BICC1: variants seen among roughly 807,000 people sequenced by gnomAD.
The protein encoded by BICC1 is protein bicaudal C homolog 1.
Under a neutral mutation model 111.0 loss-of-function variants are expected in BICC1, and 43 were observed. The observed-to-expected ratio is 0.39, with a 90% confidence interval of 0.30 to 0.50. BICC1 has a LOEUF of 0.50. Ranked by LOEUF, BICC1 falls within the 20% of genes least tolerant of loss-of-function variation. The pLI is 0.88. For missense variants in BICC1, 1,091 were observed against 1,203.2 expected (o/e 0.91, Z 1.38); for synonymous variants, 467 against 434.4 (o/e 1.07, Z -0.93).
intron 3 of BICC1, among the ~76,000 whole-genome samples, chr10:58,727,356 G>T (rs1841138735): frequency 6.6e-6 from 1 of 152,120 alleles, no homozygotes; most frequent in African/African-American, 2.4e-5. Context: ...GGAGGCTGAG[G>T]TGGGCAGATC....
Position 58,531,796 on chromosome 10 carries a change from A to G in BICC1, c.190+18463A>G, listed in dbSNP as rs545246234. ...TACAGTAACTGATTTGAAAAAAAAA[A>G]TTATAGGGGATCAACAGCAGACTTT... On this transcript the variant is annotated intron_variant, in intron 1 of 20. Transcript: ENST00000373886. Among the ~76,000 whole-genome samples, 8 of 151,940 alleles carry G rather than the reference A, an allele frequency of 5.3e-5. No individual in the cohort carries two copies. In the South Asian group the frequency reaches 1.7e-3, roughly 31 times the overall value.
intron 1 of BICC1, among the ~76,000 whole-genome samples, chr10:58,581,918 G>T (rs1844292997): frequency 6.6e-6 from 1 of 151,816 alleles, no homozygotes; most frequent in Admixed American, 6.6e-5. Context: ...CCTCCCCCAT[G>T]TTACGATAAC....
At chr10:58,632,991 C>G (rs1837844759) in intron 2 of BICC1, among the ~76,000 whole-genome samples, 2 of 152,110 alleles carry the variant, frequency 1.3e-5, no homozygotes, top group African/African-American at 4.8e-5. Context: ...TGTTTCTATT[C>G]ATTATTGATA....
intron 3 of BICC1, among the ~76,000 whole-genome samples, chr10:58,728,856 T>A (rs2132548988): frequency 6.6e-6 from 1 of 152,252 alleles, no homozygotes; most frequent in East Asian, 1.9e-4. Context: ...CAATGAGCAG[T>A]AATATTTTGT....
chr10:58,738,894 T>C (rs1009309847), intron 3 of BICC1, among the ~76,000 whole-genome samples: 4 of 152,096 alleles, frequency 2.6e-5, no homozygotes, highest in African/African-American at 7.2e-5. Context: ...CTGTCTGTTA[T>C]TGGTGTATAA....
chr10:58,802,871 T>A (rs1843592080), intron 14 of BICC1, among the ~76,000 whole-genome samples: 1 of 152,170 alleles, frequency 6.6e-6, no homozygotes, highest in South Asian at 2.1e-4. Flanking sequence ...ACATTAGAGG[T>A]ATGACCTTGG....
chr10:58,552,787 G>A (rs1270066373), intron 1 of BICC1, among the ~76,000 whole-genome samples: 1 of 152,092 alleles, frequency 6.6e-6, no homozygotes, highest in Non-Finnish European at 1.5e-5. Flanking sequence ...CTAGATTGGT[G>A]GTGAGATATC....
At chr10:58,821,791 G>T (rs1053637468) in intron 20 of BICC1, among the ~76,000 whole-genome samples, 1 of 152,120 alleles carries the variant, frequency 6.6e-6, no homozygotes, top group South Asian at 2.1e-4. Flanking sequence ...GGAGATCTGG[G>T]CTTTACTTAT....
At chr10:58,621,000 A>G in intron 2 of BICC1, 99 bp downstream of exon 2, 1 of 979,136 alleles carries the variant, frequency 1.0e-6, no homozygotes, top group Non-Finnish European at 1.5e-6. Context: ...CTTCATGTGG[A>G]GGAGAACAGG....
At chr10:58,601,154 AT>A (rs1845019549) in intron 1 of BICC1, among the ~76,000 whole-genome samples, 2 of 136,794 alleles carry the variant, frequency 1.5e-5, no homozygotes, top group African/African-American at 5.2e-5. Context: ...ATATATATAT[AT>A]ATATATATAT....
intron 10 of BICC1, 60 bp from the exon 11 acceptor site, chr10:58,798,339 C>G: frequency 7.8e-7 from 1 of 1,281,982 alleles, no homozygotes; most frequent in South Asian, 1.7e-5. Context: ...ATATTGGTGC[C>G]ATCTCTATTT....
At chr10:58,597,016 C>T (rs1844838386) in intron 1 of BICC1, among the ~76,000 whole-genome samples, 1 of 152,226 alleles carries the variant, frequency 6.6e-6, no homozygotes, top group Non-Finnish European at 1.5e-5. Flanking sequence ...CCCCATCAAG[C>T]TACCACTGAC....
chr10:58,519,266 A>C (rs556990503), intron 1 of BICC1, among the ~76,000 whole-genome samples: 28 of 152,304 alleles, frequency 1.8e-4, no homozygotes, highest in African/African-American at 6.7e-4. Context: ...ATTTTCTCTT[A>C]GAGATTTTGC....
intron 5 of BICC1, among the ~76,000 whole-genome samples, chr10:58,787,740 TA>T (rs1327864491): frequency 3.3e-5 from 5 of 152,124 alleles, no homozygotes; most frequent in African/African-American, 1.2e-4. Flanking sequence ...GATGTGCACA[TA>T]AGGGACTAGA....
At chr10:58,667,006 T>C (rs899252876) in intron 2 of BICC1, among the ~76,000 whole-genome samples, 1 of 152,142 alleles carries the variant, frequency 6.6e-6, no homozygotes, top group Non-Finnish European at 1.5e-5. Flanking sequence ...TTCTCACTTT[T>C]CAATAATGAT....
intron 18 of BICC1, among the ~76,000 whole-genome samples, chr10:58,814,711 G>A (rs548722786): frequency 2.0e-5 from 3 of 151,778 alleles, no homozygotes; most frequent in African/African-American, 7.2e-5. Context: ...TGGGAGGATC[G>A]CTTGAGCCCA....
chr10:58,769,404 G>GTGTATATATATATATATA (rs1050060686), intron 3 of BICC1, among the ~76,000 whole-genome samples: 17 of 109,758 alleles, frequency 1.5e-4, no homozygotes, highest in East Asian at 1.5e-3. Flanking sequence ...GTGTGTGTGT[G>GTGTATATATATATATATA]TATATATATA....
intron 2 of BICC1, among the ~76,000 whole-genome samples, chr10:58,662,849 T>A (rs1470350118): frequency 6.6e-6 from 1 of 152,186 alleles, no homozygotes; most frequent in African/African-American, 2.4e-5. Flanking sequence ...TGTGGAAAAC[T>A]TGTATAAAGT....
intron 1 of BICC1, among the ~76,000 whole-genome samples, chr10:58,561,894 G>A (rs924509778): frequency 2.0e-5 from 3 of 151,970 alleles, no homozygotes; most frequent in Non-Finnish European, 2.9e-5. Flanking sequence ...TTTTTGCTGG[G>A]TACAGTATTC....
Sources: allele counts gnomAD v4.1 joint callset (sites outside exome capture counted in the v4.1 genomes callset), GRCh38; gene constraint gnomAD v4.1.1; transcripts MANE v1.5; gene names NCBI Gene and HGNC (gene_info 2026-07-23, HGNC 2026-07-21).